The following CRTAM variants were observed in gnomAD, a reference collection of about 807,000 sequenced individuals.
The protein encoded by CRTAM is cytotoxic and regulatory T cell molecule.
Under a neutral mutation model 50.0 loss-of-function variants are expected in CRTAM, and 44 were observed. That is an observed-to-expected ratio of 0.88 (90% CI 0.69 to 1.13). The LOEUF (loss-of-function observed/expected upper bound fraction) is 1.13, where lower values mean the gene tolerates loss of function less well. Among genes scored for constraint, CRTAM ranks in the 50% most tolerant of loss-of-function variants. CRTAM has a pLI of 0.00. For missense variants in CRTAM, 448 were observed against 457.5 expected, an observed-to-expected ratio of 0.98 and a Z score of 0.19; for synonymous variants, 159 against 169.3, an observed-to-expected ratio of 0.94 and a Z score of 0.47.
chr11:122,850,099 C>A lies in CRTAM; in HGVS notation c.78C>A (p.Ile26=), dbSNP rs200267378. 1,177 of 1,612,856 alleles carry A rather than the reference C, an allele frequency of 7.3e-4. 8 individuals are homozygous for A. Among genetic ancestry groups the A allele is most frequent in the Admixed American group, 6.5e-3 (388 of 60,002 alleles). Residue 26 remains isoleucine (I), a synonymous_variant, in exon 2 of 10, where the codon ATC becomes ATA. Coordinates refer to ENST00000227348, the MANE Select transcript of CRTAM (RefSeq NM_019604.4). ...CTCTGACTAACCACACAGAAACCAT[C>A]ACCGTGGAGGAAGGCCAGACGCTCA... ...EASLTNHTET[I]TVEEGQTLTL...
chr11:122,866,862 C>T (rs1271384158), intron 7 of CRTAM, among the ~76,000 whole-genome samples: 1 of 152,090 alleles, frequency 6.6e-6, no homozygotes, highest in African/African-American at 2.4e-5. Context: ...CCTCCCATCC[C>T]AGCCTCCCAA....
intron 7 of CRTAM, among the ~76,000 whole-genome samples, 196 bp downstream of exon 7, chr11:122,864,915 T>A (rs936224135): frequency 6.6e-6 from 1 of 152,222 alleles, no homozygotes; most frequent in African/African-American, 2.4e-5. Context: ...GTTCTGTTAT[T>A]TGTTGCTAAC....
chr11:122,865,834 A>C (rs769712337), intron 7 of CRTAM, among the ~76,000 whole-genome samples: 4 of 152,176 alleles, frequency 2.6e-5, no homozygotes, highest in African/African-American at 7.2e-5. Context: ...AAATATATCT[A>C]TGTGTATATG....
chr11:122,861,385 C>A (rs1358731988), intron 5 of CRTAM, among the ~76,000 whole-genome samples: 3 of 53,760 alleles, frequency 5.6e-5, no homozygotes, highest in East Asian at 6.4e-4. Flanking sequence ...CATACATATA[C>A]GTATATATAT....
chr11:122,842,863 G>T (rs1202142932), intron 1 of CRTAM, among the ~76,000 whole-genome samples: 1 of 152,168 alleles, frequency 6.6e-6, no homozygotes, highest in African/African-American at 2.4e-5. Flanking sequence ...ATCTGTGTTA[G>T]ACATGGGTGG....
chr11:122,861,864 C>T (rs962721044), intron 5 of CRTAM, among the ~76,000 whole-genome samples: 2 of 152,136 alleles, frequency 1.3e-5, no homozygotes, highest in Non-Finnish European at 2.9e-5. Context: ...TGGAAACATT[C>T]CTAAGCATTG....
intron 1 of CRTAM, among the ~76,000 whole-genome samples, chr11:122,845,053 A>G (rs1215916976): frequency 6.6e-6 from 1 of 152,210 alleles, no homozygotes; most frequent in Non-Finnish European, 1.5e-5. Flanking sequence ...GTGAGTATAG[A>G]GAGTCTATCC....
chr11:122,858,372 T>A (rs1322915679), intron 5 of CRTAM, among the ~76,000 whole-genome samples: 8 of 152,008 alleles, frequency 5.3e-5, no homozygotes, highest in Non-Finnish European at 1.2e-4. Flanking sequence ...AGCACAGGCA[T>A]GAGCCACCAC....
chr11:122,868,186 ATATGTG>A (rs915655787), intron 9 of CRTAM, 87 bp downstream of exon 9: 95 of 631,058 alleles, frequency 1.5e-4, no homozygotes, highest in East Asian at 3.6e-4. Context: ...AGACAACAGA[ATATGTG>A]TGTGTGTGTG....
chr11:122,864,613 T>G, intron 6 of CRTAM, 23 bp from the exon 7 acceptor site: 1 of 1,538,178 alleles, frequency 6.5e-7, no homozygotes, highest in East Asian at 2.2e-5. Flanking sequence ...GCATAGCTCA[T>G]GTTTTATCTT....
chr11:122,867,546 T>C lies in CRTAM; in HGVS notation c.955T>C (p.Trp319Arg). ...IMKLRKAHVI[W>R]KKENEVSEHT... ...GAAGCTGAGGAAAGCACATGTGATA[T>C]GGAAGAAAGGTCAGTGGGCAGGGAA... The change falls in exon 8 of 10, where the codon TGG becomes CGG. Residue 319 changes from tryptophan to arginine, a missense_variant. Coordinates refer to ENST00000227348, the MANE Select transcript of CRTAM (RefSeq NM_019604.4). 5.0e-6 allele frequency: 8 copies of C among 1,613,418 alleles called. No individual in the cohort carries two copies. The highest frequency in any genetic ancestry group is 6.8e-6 in the Non-Finnish European group (8 of 1,179,692).
chr11:122,862,422 T>G (rs755150231), intron 5 of CRTAM, 42 bp from the exon 6 acceptor site: 12 of 1,258,190 alleles, frequency 9.5e-6, no homozygotes, highest in African/African-American at 1.5e-5. Flanking sequence ...TGGGTAAAAC[T>G]GCTCTCTATA....
chr11:122,854,471 G>A (rs12279100), intron 4 of CRTAM, among the ~76,000 whole-genome samples: 30,809 of 151,838 alleles, frequency 0.2, 3,627 homozygotes, highest in Admixed American at 0.36. Context: ...TCAGGAGTTC[G>A]AGACCAGCCT....
chr11:122,868,027 G>C lies in CRTAM; in HGVS notation c.979G>C (p.Glu327Gln). The C allele has an allele frequency of 6.2e-7, 1 of 1,610,440 alleles. No individual in the cohort carries two copies. Among genetic ancestry groups the C allele is most frequent in the Non-Finnish European group, 8.5e-7 (1 of 1,177,760 alleles). Reference protein sequence around the residue: ...VIWKKENEVSEHTLESYRSRS... With the variant: ...VIWKKENEVSQHTLESYRSRS... ...TTTTTTTGTAGAAAACGAAGTTTCA[G>C]AACACACACTAGAAAGTTACAGATC... The change falls in exon 9 of 10, where the codon GAA becomes CAA. Residue 327 changes from glutamate (E) to glutamine (Q), a missense_variant. Coordinates refer to ENST00000227348, the MANE Select transcript of CRTAM (RefSeq NM_019604.4).
rs1185637833 is a variant in CRTAM, at chr11:122,871,302, C to T, written c.1085C>T (p.Thr362Ile). The T allele has an allele frequency of 5.0e-6, 8 of 1,613,512 alleles. No individual in the cohort carries two copies. Among genetic ancestry groups the T allele is most frequent in the Non-Finnish European group, 6.8e-6 (8 of 1,179,700 alleles). Residue 362 changes from threonine (T) to isoleucine (I), a missense_variant, in exon 10 of 10, where the codon ACA becomes ATA. Thr to Ile is a moderately conservative substitution (Grantham distance 89). Coordinates refer to ENST00000227348, the MANE Select transcript of CRTAM (RefSeq NM_019604.4). The stretch of plus-strand genomic sequence containing the variant: ...CCTATGCGTTGCATGAACTACATCA[C>T]AAAGTTGTACTCAGAAGCAAAAACA... Reference protein sequence around the residue: ...SHPMRCMNYITKLYSEAKTKR... With the variant: ...SHPMRCMNYIIKLYSEAKTKR...
chr11:122,868,929 A>G (rs1241625281), intron 9 of CRTAM, among the ~76,000 whole-genome samples: 2 of 152,180 alleles, frequency 1.3e-5, no homozygotes, highest in Non-Finnish European at 2.9e-5. Flanking sequence ...GAATGGCGTG[A>G]ACCCGGGAGG....
At chr11:122,863,258 A>G (rs368743801) in intron 6 of CRTAM, among the ~76,000 whole-genome samples, 1 of 102,804 alleles carries the variant, frequency 9.7e-6, no homozygotes, top group African/African-American at 3.7e-5. Flanking sequence ...AGAGAGAAAG[A>G]AAAGAAAGAA....
chr11:122,861,414 ATATATATTTTTTTTTTTTTT>A (rs1351723034), intron 5 of CRTAM, among the ~76,000 whole-genome samples: 11 of 22,042 alleles, frequency 5.0e-4, no homozygotes, highest in African/African-American at 2.2e-3. Flanking sequence ...ATATATATAT[ATATATATTTTTTTTTTTTTT>A]TTTTTTTTTT....
At chr11:122,847,211 G>C (rs192187658) in intron 1 of CRTAM, among the ~76,000 whole-genome samples, 98 of 152,288 alleles carry the variant, frequency 6.4e-4, no homozygotes, top group Middle Eastern at 3.4e-3. Context: ...GCTGTTAGTA[G>C]TGGAGGAGCC....
Sources: gnomAD v4.1 joint callset for allele counts (sites outside exome capture counted in the v4.1 genomes callset) on GRCh38, gnomAD v4.1.1 for gene constraint, MANE v1.5 for transcripts, NCBI Gene and HGNC (gene_info 2026-07-23, HGNC 2026-07-21) for gene names.